Variants in LAMC1 observed in about 807,000 individuals in gnomAD.
The protein encoded by LAMC1 is laminin subunit gamma-1.
In LAMC1, 38 loss-of-function variants were observed where a neutral mutation model predicts 173.6. That is an observed-to-expected ratio of 0.22 (90% CI 0.17 to 0.29). The LOEUF (loss-of-function observed/expected upper bound fraction) is 0.29, where lower values mean the gene tolerates loss of function less well. Ranked by LOEUF, LAMC1 falls within the 10% of genes least tolerant of loss-of-function variation. The pLI is 1.00. For missense variants in LAMC1, 1,824 were observed against 2,051.8 expected, an observed-to-expected ratio of 0.89 and a Z score of 2.14; for synonymous variants, 746 against 749.1, an observed-to-expected ratio of 1.00 and a Z score of 0.07.
chr1:183,072,086 T>C (rs1655025053), intron 1 of LAMC1, among the ~76,000 whole-genome samples: 1 of 152,228 alleles, frequency 6.6e-6, no homozygotes, highest in Non-Finnish European at 1.5e-5. Context: ...GTGAAACATA[T>C]TTTAAAAGTT....
chr1:183,124,923 T>A, intron 14 of LAMC1, 47 bp downstream of exon 14: 1 of 1,596,476 alleles, frequency 6.3e-7, no homozygotes, highest in Non-Finnish European at 8.6e-7. Flanking sequence ...TGCCCCTTTA[T>A]TGTGAGAATT....
At position 183,103,352 on chromosome 1, in the gene LAMC1, T is replaced by G; in HGVS notation, c.443T>G (p.Val148Gly). 6.2e-7 allele frequency: 1 copy of G among 1,614,102 alleles called. No homozygotes were observed. Among genetic ancestry groups the G allele is most frequent in the Non-Finnish European group, 8.5e-7 (1 of 1,179,998 alleles). Residue 148 changes from valine to glycine, a missense_variant, in exon 2 of 28, where the codon GTG becomes GGG. Val to Gly is a moderately radical substitution (Grantham distance 109). Transcript: ENST00000258341. The stretch of plus-strand genomic sequence containing the variant: ...GGAAAAGCTTTTGACATCACCTATG[T>G]GCGTCTCAAGTTCCACACCAGCCGC... ...HLGKAFDITY[V>G]RLKFHTSRPE... is the part of the protein sequence containing the mutation.
intron 1 of LAMC1, among the ~76,000 whole-genome samples, chr1:183,029,661 C>T (rs1358033873): frequency 1.3e-5 from 2 of 152,142 alleles, no homozygotes; most frequent in South Asian, 4.1e-4. Context: ...CACTCCCTGG[C>T]TTGGATTAAG....
chr1:183,061,435 TTTG>T (rs913214561), intron 1 of LAMC1, among the ~76,000 whole-genome samples: 6 of 152,046 alleles, frequency 3.9e-5, no homozygotes, highest in Admixed American at 3.9e-4. Flanking sequence ...TGGGAAATAA[TTTG>T]TCAGTATTCT....
intron 1 of LAMC1, among the ~76,000 whole-genome samples, chr1:183,060,727 T>C (rs1654723762): frequency 6.6e-6 from 1 of 152,244 alleles, no homozygotes; most frequent in Admixed American, 6.5e-5. Flanking sequence ...TAGGCACTTA[T>C]TAGATGCTTA....
intron 26 of LAMC1, 139 bp from the exon 27 acceptor site, chr1:183,140,265 A>AAAAAAAAAAAAAT: frequency 2.4e-6 from 1 of 421,056 alleles, no homozygotes; most frequent in Non-Finnish European, 4.2e-6. Flanking sequence ...AAAAAAAAAA[A>AAAAAAAAAAAAAT]GCAATGAGAG....
At chr1:183,043,228 A>G (rs1328871519) in intron 1 of LAMC1, among the ~76,000 whole-genome samples, 1 of 152,170 alleles carries the variant, frequency 6.6e-6, no homozygotes, top group African/African-American at 2.4e-5. Flanking sequence ...CACCCTCAGC[A>G]GGACCCCCAT....
At chr1:183,050,330 G>A (rs945516750) in intron 1 of LAMC1, among the ~76,000 whole-genome samples, 2 of 139,672 alleles carry the variant, frequency 1.4e-5, no homozygotes, top group African/African-American at 5.4e-5. Flanking sequence ...CGCCCAGGCT[G>A]GAATGCAGTG....
At chr1:183,066,927 C>T (rs1455494337) in intron 1 of LAMC1, among the ~76,000 whole-genome samples, 1 of 152,024 alleles carries the variant, frequency 6.6e-6, no homozygotes, top group East Asian at 1.9e-4. Flanking sequence ...AACAAACCTG[C>T]ACATTCTGCA....
intron 1 of LAMC1, among the ~76,000 whole-genome samples, chr1:183,091,903 T>C (rs1191941603): frequency 6.6e-6 from 1 of 152,218 alleles, no homozygotes; most frequent in Non-Finnish European, 1.5e-5. Flanking sequence ...AGTGCCTGCC[T>C]ATAAAGGGTA....
At chr1:183,034,674 A>G (rs1420040971) in intron 1 of LAMC1, among the ~76,000 whole-genome samples, 2 of 152,160 alleles carry the variant, frequency 1.3e-5, no homozygotes, top group African/African-American at 2.4e-5. Flanking sequence ...AAGAAAAGTA[A>G]TAGACATGAG....
Position 183,068,856 on chromosome 1 carries a change from C to T in LAMC1, c.419-34472C>T, listed in dbSNP as rs141580297. On this transcript the variant is annotated intron_variant, in intron 1 of 27. Coordinates refer to ENST00000258341, the MANE Select transcript of LAMC1 (RefSeq NM_002293.4). ...ACTTGGGAGGCTGAGGCAGGAGAAT[C>T]GCTTGAACCCAGGAGGCGAAGGTTG... 3.6e-3 allele frequency among the ~76,000 whole-genome samples: 547 copies of T among 152,076 alleles called. 4 individuals are homozygous for T. Among genetic ancestry groups the T allele is most frequent in the African/African-American group, 0.013 (523 of 41,490 alleles).
In LAMC1 at chr1:183,094,659, G is replaced by A. The variant is rs1283447718; in HGVS notation, c.419-8669G>A. ...GGTGGCTGTGGTAAGAAATTAATAAGCAATTGTGAAAACTGAGAAAGCCAT... is the reference window on the plus strand; with the variant it reads ...GGTGGCTGTGGTAAGAAATTAATAAACAATTGTGAAAACTGAGAAAGCCAT... On this transcript the variant is annotated intron_variant, in intron 1 of 27. Transcript: ENST00000258341. Among the ~76,000 whole-genome samples, 5 of 152,152 alleles carry A rather than the reference G, an allele frequency of 3.3e-5. No homozygotes were observed. In the East Asian group the frequency reaches 9.6e-4, roughly 29 times the overall value.
intron 4 of LAMC1, among the ~76,000 whole-genome samples, chr1:183,111,379 G>T (rs560419766): frequency 6.6e-6 from 1 of 152,028 alleles, no homozygotes; most frequent in Admixed American, 6.6e-5. Context: ...GAGCCACTGC[G>T]CCTGGCCGCA....
At chr1:183,070,530 G>A (rs1654984671) in intron 1 of LAMC1, among the ~76,000 whole-genome samples, 1 of 152,136 alleles carries the variant, frequency 6.6e-6, no homozygotes, top group Non-Finnish European at 1.5e-5. Context: ...TGATTTGAAG[G>A]ATATACTACC....
chr1:183,124,745 T>C lies in LAMC1; in HGVS notation c.2516T>C (p.Val839Ala). The change falls in exon 14 of 28, where the codon GTT becomes GCT. Residue 839 changes from valine to alanine, a missense_variant. Transcript: ENST00000258341. ...AGTGACAACATCGATCCCAATGCAG[T>C]TGGAAATTGCAATCGCTTGACGGGA... The part of the protein sequence containing the change: ...QCSDNIDPNA[V>A]GNCNRLTGEC... The C allele has an allele frequency of 6.2e-7, 1 of 1,614,164 alleles. No homozygotes were observed. Among genetic ancestry groups the C allele is most frequent in the Non-Finnish European group, 8.5e-7 (1 of 1,180,032 alleles).
At chr1:183,085,642 T>C (rs970652161) in intron 1 of LAMC1, among the ~76,000 whole-genome samples, 2 of 152,132 alleles carry the variant, frequency 1.3e-5, no homozygotes, top group African/African-American at 4.8e-5. Flanking sequence ...AATGCTAGGA[T>C]TGCAGGCATA....
chr1:183,120,265 A>G (rs1355039956), intron 11 of LAMC1, among the ~76,000 whole-genome samples: 1 of 152,134 alleles, frequency 6.6e-6, no homozygotes, highest in Non-Finnish European at 1.5e-5. Context: ...AGTAAAATAA[A>G]GAATGTTCAG....
At chr1:183,119,356 A>C (rs1656408000) in intron 11 of LAMC1, among the ~76,000 whole-genome samples, 1 of 152,188 alleles carries the variant, frequency 6.6e-6, no homozygotes, top group Non-Finnish European at 1.5e-5. Flanking sequence ...TATCCAGATA[A>C]AAATGGCTTA....
Sources: allele counts gnomAD v4.1 joint callset (sites outside exome capture counted in the v4.1 genomes callset), GRCh38; gene constraint gnomAD v4.1.1; transcripts MANE v1.5; gene names NCBI Gene and HGNC (gene_info 2026-07-23, HGNC 2026-07-21).